Variants in ZNF490 observed in about 807,000 individuals in gnomAD.
ZNF490 encodes the protein zinc finger protein 490.
ZNF490 carries 11 observed loss-of-function variants against 17.7 expected under a neutral mutation model. That is an observed-to-expected ratio of 0.62 (90% confidence interval 0.39 to 1.03). The LOEUF (loss-of-function observed/expected upper bound fraction) is 1.03. Ranked by LOEUF, ZNF490 falls within the 50% of genes least tolerant of loss-of-function variation. The pLI is 0.00. For missense variants in ZNF490, 542 were observed against 643.4 expected (o/e 0.84, Z 1.71); for synonymous variants, 222 against 216.1 (o/e 1.03, Z -0.24).
chr19:12,610,013 A>G lies in ZNF490; in HGVS notation c.117+551T>C, dbSNP rs79138408. The G allele has an allele frequency of 1.7e-3, 733 of 436,824 alleles. 5 individuals are homozygous for G. The highest frequency in any genetic ancestry group is 0.014 in the African/African-American group (677 of 48,590). The allele number at this position is 436,824 out of a possible 1,614,324, so 27.1% of individuals were successfully genotyped here. ...AATAAAAATGAAAAGCAATAAAAACATGCTTAAACTAAAAACAAACAAACA... is the reference window on the plus strand; with the variant it reads ...AATAAAAATGAAAAGCAATAAAAACGTGCTTAAACTAAAAACAAACAAACA... On this transcript the variant is annotated intron_variant, in intron 1 of 4. Transcript: ENST00000311437.
chr19:12,576,810 T>A lies in ZNF490; in HGVS notation c.*3675A>T, dbSNP rs2145133904. 1.2e-5 allele frequency among the ~76,000 whole-genome samples: 1 copy of A among 82,648 alleles called. No individual in the cohort carries two copies. Among genetic ancestry groups the A allele is most frequent in the East Asian group, 3.3e-4 (1 of 3,064 alleles). The allele number at this position is 82,648 out of a possible 152,430, so 54.2% of individuals were successfully genotyped here. ...CCAGCCTGGCAACAGTGAGAATCCA[T>A]CTCAAAAAAAAAAAAAAAAAAAAAA... On this transcript the variant is annotated 3_prime_UTR_variant, in exon 5 of 5. Coordinates refer to ENST00000311437, the MANE Select transcript of ZNF490 (RefSeq NM_020714.3).
chr19:12,578,833 T>C lies in ZNF490; in HGVS notation c.*1652A>G. ...AAAGGCCTGCTGGGGCCCAAGTCCT[T>C]CTTCCCCATTCCTTTAATTCTTCCT... On this transcript the variant is annotated 3_prime_UTR_variant, in exon 5 of 5. Coordinates refer to ENST00000311437, the MANE Select transcript of ZNF490 (RefSeq NM_020714.3). 1 of 985,486 alleles carries C rather than the reference T, an allele frequency of 1.0e-6. No homozygotes were observed. Among genetic ancestry groups the C allele is most frequent in the Non-Finnish European group, 1.2e-6 (1 of 829,968 alleles). The allele number at this position is 985,486 out of a possible 1,614,324, so 61.0% of individuals were successfully genotyped here.
intron 2 of ZNF490, among the ~76,000 whole-genome samples, chr19:12,608,657 AT>A: frequency 6.6e-6 from 1 of 151,992 alleles, no homozygotes; most frequent in Non-Finnish European, 1.5e-5. Context: ...AATATTTTTA[AT>A]AGAGATGAGG....
In ZNF490 at chr19:12,580,999, A is replaced by T. The variant is rs1485705452; in HGVS notation, c.1076T>A (p.Val359Asp). The T allele has an allele frequency of 6.2e-7, 1 of 1,613,830 alleles. No individual in the cohort carries two copies. The highest frequency in any genetic ancestry group is 8.5e-7 in the Non-Finnish European group (1 of 1,180,014). ...ACATTTCTTACATGTATAAGGTTGA[A>T]CTCCGGTGTGGGTTTTCACGTGTTT... ...LRKHVKTHTG[V>D]QPYTCKKCGE... The change falls in exon 5 of 5, where the codon GTT becomes GAT. Residue 359 changes from valine to aspartate, a missense_variant. Coordinates refer to ENST00000311437, the MANE Select transcript of ZNF490 (RefSeq NM_020714.3).
intron 2 of ZNF490, among the ~76,000 whole-genome samples, chr19:12,608,361 G>A (rs1185290641): frequency 6.6e-6 from 1 of 152,088 alleles, no homozygotes; most frequent in Non-Finnish European, 1.5e-5. Context: ...ACAGGTCACC[G>A]CAGCCTCAGG....
At chr19:12,603,455 T>G (rs2023030125) in intron 2 of ZNF490, among the ~76,000 whole-genome samples, 1 of 151,914 alleles carries the variant, frequency 6.6e-6, no homozygotes, top group African/African-American at 2.4e-5. Flanking sequence ...ACCACTGCAC[T>G]CCAGCCTAGG....
chr19:12,596,884 G>A (rs941013774), intron 2 of ZNF490, among the ~76,000 whole-genome samples: 3 of 152,180 alleles, frequency 2.0e-5, no homozygotes, highest in African/African-American at 7.2e-5. Flanking sequence ...TCAAACACAC[G>A]AGAATCCGTC....
chr19:12,598,857 C>T (rs113233051), intron 2 of ZNF490, among the ~76,000 whole-genome samples: 2,615 of 151,600 alleles, frequency 0.017, 57 homozygotes, highest in African/African-American at 0.055. Flanking sequence ...CATGGTGGCG[C>T]GCACCTGTAG....
Position 12,610,593 on chromosome 19 carries a change from T to G in ZNF490, c.88A>C (p.Thr30Pro), listed in dbSNP as rs1234111160. Reference protein sequence around the residue: ...QSKWSSSQGRTGTGGSDVLQM... With the variant: ...QSKWSSSQGRPGTGGSDVLQM... ...AGGACATCAGACCCTCCTGTTCCTG[T>G]GCGGCCTTGACTAGACGACCACTTG... Residue 30 changes from threonine to proline, a missense_variant, in exon 1 of 5, where the codon ACA becomes CCA. Physicochemically the swap from Thr to Pro is conservative, Grantham distance 38. Coordinates refer to ENST00000311437, the MANE Select transcript of ZNF490 (RefSeq NM_020714.3). 1.2e-6 allele frequency: 2 copies of G among 1,613,846 alleles called. No individual in the cohort carries two copies. Among genetic ancestry groups the G allele is most frequent in the Non-Finnish European group, 1.7e-6 (2 of 1,179,980 alleles).
At position 12,581,469 on chromosome 19, in the gene ZNF490, G is replaced by C; in HGVS notation, c.606C>G (p.Thr202=). ...TTCGAATACTGGAGCTGCGAGTGAA[G>C]GTTTTCCCACATTCTTTGCATTTAT... ...KPHKCKECGK[T]FTRSSSIRTH... Residue 202 remains threonine, a synonymous_variant, in exon 5 of 5, where the codon ACC becomes ACG. Transcript: ENST00000311437. 1 of 1,614,204 alleles carries C rather than the reference G, an allele frequency of 6.2e-7. No individual in the cohort carries two copies. The highest frequency in any genetic ancestry group is 8.5e-7 in the Non-Finnish European group (1 of 1,180,030).
chr19:12,583,328 C>T (rs1011941926), intron 3 of ZNF490, 102 bp downstream of exon 3: 27 of 1,373,540 alleles, frequency 2.0e-5, no homozygotes, highest in African/African-American at 5.9e-5. Flanking sequence ...CGCGAGCCAC[C>T]GTGCCTGGCC....
intron 2 of ZNF490, among the ~76,000 whole-genome samples, chr19:12,590,816 G>T (rs1034184444): frequency 6.6e-6 from 1 of 151,886 alleles, no homozygotes; most frequent in East Asian, 1.9e-4. Context: ...GGTGGCTCAC[G>T]CCTGTAATCC....
Position 12,598,500 on chromosome 19 carries a change from G to A in ZNF490, c.162+10658C>T, listed in dbSNP as rs55856594. ...AGCGATTCTCCCGCCTCAGCCTCCC[G>A]AGTAGCTGGAATTACAGGCATGAGC... is the stretch of plus-strand genomic sequence containing the variant. On this transcript the variant is annotated intron_variant, in intron 2 of 4. Transcript: ENST00000311437. Among the ~76,000 whole-genome samples, 103 of 150,260 alleles carry A rather than the reference G, an allele frequency of 6.9e-4. 1 individual carries two copies. Among genetic ancestry groups the A allele is most frequent in the African/African-American group, 2.3e-3 (94 of 41,122 alleles).
At chr19:12,604,952 G>C (rs1027110901) in intron 2 of ZNF490, among the ~76,000 whole-genome samples, 11 of 151,978 alleles carry the variant, frequency 7.2e-5, no homozygotes, top group Non-Finnish European at 1.3e-4. Context: ...TCAGGAGTTC[G>C]AGACCAGCCT....
At chr19:12,607,292 G>A (rs2023080207) in intron 2 of ZNF490, among the ~76,000 whole-genome samples, 1 of 151,410 alleles carries the variant, frequency 6.6e-6, no homozygotes, top group African/African-American at 2.4e-5. Context: ...CTGGGTTCAA[G>A]CAATTCTCCT....
At chr19:12,608,619 C>A (rs2023101991) in intron 2 of ZNF490, among the ~76,000 whole-genome samples, 1 of 151,358 alleles carries the variant, frequency 6.6e-6, no homozygotes, top group South Asian at 2.1e-4. Flanking sequence ...TACAGGTGTG[C>A]CTCCCACCAT....
chr19:12,598,124 T>G (rs932705438), intron 2 of ZNF490, among the ~76,000 whole-genome samples: 2 of 151,668 alleles, frequency 1.3e-5, no homozygotes, highest in African/African-American at 4.8e-5. Context: ...CTCAGGAGGC[T>G]GAGGCAGGAG....
chr19:12,600,715 T>C (rs2145161693), intron 2 of ZNF490, among the ~76,000 whole-genome samples: 1 of 152,322 alleles, frequency 6.6e-6, no homozygotes, highest in Admixed American at 6.5e-5. Context: ...CTTGTCTTGG[T>C]CCTCTTTAGA....
chr19:12,583,628 C>G, intron 2 of ZNF490, 72 bp from the exon 3 acceptor site: 1 of 1,427,672 alleles, frequency 7.0e-7, no homozygotes, highest in Non-Finnish European at 9.4e-7. Context: ...TCTCAGAATT[C>G]CTGAGAAATT....
Sources: allele counts gnomAD v4.1 joint callset (sites outside exome capture counted in the v4.1 genomes callset), GRCh38; gene constraint gnomAD v4.1.1; transcripts MANE v1.5; gene names NCBI Gene and HGNC (gene_info 2026-07-23, HGNC 2026-07-21).